Variants in AP3B2 observed in about 807,000 individuals in gnomAD.
AP3B2 encodes the protein AP-3 complex subunit beta-2.
AP3B2 carries 50 observed loss-of-function variants against 126.9 expected under a neutral mutation model. The observed-to-expected ratio is 0.39, with a 90% CI of 0.31 to 0.50. The LOEUF (loss-of-function observed/expected upper bound fraction) is 0.50, where lower values mean the gene tolerates loss of function less well. AP3B2 is among the 20% of genes least tolerant of loss of function. The pLI, the probability that AP3B2 is intolerant of heterozygous loss-of-function variation, is 0.79. For synonymous variants in AP3B2, 541 were observed against 565.0 expected, an observed-to-expected ratio of 0.96 and a Z score of 0.60; for missense variants, 1,177 against 1,426.4, an observed-to-expected ratio of 0.83 and a Z score of 2.82.
chr15:82,677,521 T>A, intron 12 of AP3B2, 138 bp from the exon 13 acceptor site: 1 of 1,369,020 alleles, frequency 7.3e-7, no homozygotes, highest in East Asian at 2.5e-5. Flanking sequence ...CTCAGAGGTG[T>A]AGGAACACTT....
At chr15:82,705,735 G>A (rs150141221) in intron 1 of AP3B2, among the ~76,000 whole-genome samples, 8,900 of 152,160 alleles carry the variant, frequency 0.058, 388 homozygotes, top group African/African-American at 0.11. Flanking sequence ...GATCATGTCC[G>A]GCTAATCTCC....
intron 4 of AP3B2, among the ~76,000 whole-genome samples, chr15:82,683,877 G>GA (rs1417544598): frequency 1.3e-5 from 2 of 152,222 alleles, no homozygotes; most frequent in Non-Finnish European, 2.9e-5. Context: ...CTCCATCAGA[G>GA]CTCTTGAGTG....
intron 1 of AP3B2, among the ~76,000 whole-genome samples, chr15:82,701,356 T>C (rs2048717024): frequency 6.6e-6 from 1 of 152,170 alleles, no homozygotes; most frequent in African/African-American, 2.4e-5. Flanking sequence ...AAACTTGCTC[T>C]AGGCTCTCCC....
At chr15:82,688,499 C>T in intron 4 of AP3B2, 1 of 702,564 alleles carries the variant, frequency 1.4e-6, no homozygotes, top group Non-Finnish European at 2.6e-6. Context: ...CCACAGGCTC[C>T]TGGGAAGAGA....
chr15:82,698,877 C>T (rs1021051255), intron 1 of AP3B2, among the ~76,000 whole-genome samples: 1 of 152,134 alleles, frequency 6.6e-6, no homozygotes, highest in Non-Finnish European at 1.5e-5. Flanking sequence ...GGGGGCAGGA[C>T]CACTGGGCCT....
rs2048310969 is a variant in AP3B2 at position 82,680,177 on chromosome 15, G to A, written c.1108C>T (p.Arg370Trp). 6.2e-7 allele frequency: 1 copy of A among 1,613,340 alleles called. No homozygotes were observed. Among genetic ancestry groups the A allele is most frequent in the Non-Finnish European group, 8.5e-7 (1 of 1,179,802 alleles). ...QNVATMSIKRRGMFEPYLKSF... is the reference protein window; with the variant it reads ...QNVATMSIKRWGMFEPYLKSF... ...ACAGCCCGCCGTCGCAGGCTCACCC[G>A]GCGCTTGATGGACATGGTGGCCACG... The change falls in exon 9 of 27, where the codon CGG becomes TGG. Residue 370 changes from arginine to tryptophan, a missense_variant and splice_region_variant. By Grantham distance (101) the Arg-to-Trp change is moderately radical (BLOSUM62 -3). This residue lies in a region of AP3B2 where 308 missense variants were observed against 452.4 expected (regional missense o/e 0.68). Transcript: ENST00000535359. The surrounding 1 kb of genome is among the most constrained non-coding windows in gnomAD (Gnocchi z 6.1).
At position 82,663,561 on chromosome 15, in the gene AP3B2, A is replaced by G. The variant is rs759819300; in HGVS notation, c.2496T>C (p.Asp832=). 1.1e-5 allele frequency: 17 copies of G among 1,613,606 alleles called. No homozygotes were observed. The highest frequency in any genetic ancestry group is 4.4e-5 in the South Asian group (4 of 91,036). ...TKEISLLDLE[D]FTPPSVQPVS... is the part of the protein sequence containing the mutation. ...GTGACTTTTACCACCCAAACTCACAATCCTCTAGATCAAGCAGGGAGATCT... is the reference window on the plus strand; with the variant it reads ...GTGACTTTTACCACCCAAACTCACAGTCCTCTAGATCAAGCAGGGAGATCT... The change falls in exon 21 of 27, where the codon GAT becomes GAC. Residue 832 remains aspartate, a splice_region_variant and synonymous_variant. Coordinates refer to ENST00000535359, the MANE Select transcript of AP3B2 (RefSeq NM_001278512.2).
Position 82,680,217 on chromosome 15 carries a change from G to A in AP3B2, c.1068C>T (p.Tyr356=), listed in dbSNP as rs778376414. ...RLLRSHSEVQ[Y]VVLQNVATMS... is the part of the protein sequence containing the mutation. ...TGGTGGCCACGTTCTGGAGCACAAC[G>A]TACTGCACCTCACTGCGGAGAGGAC... Residue 356 remains tyrosine, a synonymous_variant, in exon 9 of 27, where the codon TAC becomes TAT. Transcript: ENST00000535359. The surrounding 1 kb of genome is among the most constrained non-coding windows in gnomAD (Gnocchi z 6.1). 3.7e-6 allele frequency: 6 copies of A among 1,613,500 alleles called. No homozygotes were observed. The highest frequency in any genetic ancestry group is 5.1e-6 in the Non-Finnish European group (6 of 1,179,802).
intron 1 of AP3B2, among the ~76,000 whole-genome samples, chr15:82,701,514 AG>A (rs1269477882): frequency 4.6e-5 from 7 of 152,212 alleles, no homozygotes; most frequent in African/African-American, 1.7e-4. Context: ...ATTTCTTGAA[AG>A]CAAAATTTCC....
Position 82,665,907 on chromosome 15 carries a change from A to C in AP3B2, c.1853-332T>G, listed in dbSNP as rs749779302. Among the ~76,000 whole-genome samples, 1 of 152,126 alleles carries C rather than the reference A, an allele frequency of 6.6e-6. No homozygotes were observed. The highest frequency in any genetic ancestry group is 1.5e-5 in the Non-Finnish European group (1 of 68,038). ...TAGTCAGGCTCTGGACTCAGCAGGG[A>C]GGGATGAACAGTCAGAGCATGAGTG... On this transcript the variant is annotated intron_variant, in intron 15 of 26. Coordinates refer to ENST00000535359, the MANE Select transcript of AP3B2 (RefSeq NM_001278512.2). The surrounding 1 kb of genome is among the most constrained non-coding windows in gnomAD (Gnocchi z 4.4).
rs146496892 is a variant in AP3B2 at position 82,706,245 on chromosome 15, C to G, written c.113+3349G>C. On this transcript the variant is annotated intron_variant, in intron 1 of 26. Coordinates refer to ENST00000535359, the MANE Select transcript of AP3B2 (RefSeq NM_001278512.2). ...ACCTGACGCATATACTTTCTGCCCC[C>G]CTCCACTACCTCTCAGAAAGCTTAA... is the stretch of plus-strand genomic sequence containing the variant. Among the ~76,000 whole-genome samples the G allele has an allele frequency of 8.0e-4, 122 of 152,302 alleles. 1 individual carries two copies. In the East Asian group the frequency reaches 0.018, roughly 23 times the overall value.
At chr15:82,695,917 G>T (rs998623383) in intron 1 of AP3B2, among the ~76,000 whole-genome samples, 9 of 152,198 alleles carry the variant, frequency 5.9e-5, no homozygotes, top group African/African-American at 2.2e-4. Context: ...CTGGAGAACA[G>T]GTTGTTGGTG....
rs553277516 is a variant in AP3B2 at position 82,701,367 on chromosome 15, G to A, written c.113+8227C>T. On this transcript the variant is annotated intron_variant, in intron 1 of 26. Coordinates refer to ENST00000535359, the MANE Select transcript of AP3B2 (RefSeq NM_001278512.2). Reference sequence around the variant, plus strand: ...AGTTAAACTTGCTCTAGGCTCTCCCGCCTAATATTAATAATAAACAAAAAT... The same window carrying A: ...AGTTAAACTTGCTCTAGGCTCTCCCACCTAATATTAATAATAAACAAAAAT... Among the ~76,000 whole-genome samples the A allele has an allele frequency of 1.7e-3, 255 of 151,720 alleles. 1 individual carries two copies. The highest frequency in any genetic ancestry group is 3.0e-3 in the Non-Finnish European group (204 of 67,964).
chr15:82,692,136 C>G, intron 1 of AP3B2: 1 of 1,496,206 alleles, frequency 6.7e-7, no homozygotes, highest in Non-Finnish European at 9.2e-7. Context: ...GAACTCCACA[C>G]GAAGCCGACA....
At chr15:82,671,553 A>G (rs1400954874) in intron 14 of AP3B2, among the ~76,000 whole-genome samples, 7 of 151,952 alleles carry the variant, frequency 4.6e-5, no homozygotes, top group South Asian at 2.1e-4. Context: ...CCTGGCCAAC[A>G]TGGTGAAACC....
chr15:82,664,377 C>G lies in AP3B2; in HGVS notation c.2251G>C (p.Gly751Arg). 6.2e-7 allele frequency: 1 copy of G among 1,613,946 alleles called. No individual in the cohort carries two copies. Among genetic ancestry groups the G allele is most frequent in the Non-Finnish European group, 8.5e-7 (1 of 1,179,876 alleles). The stretch of plus-strand genomic sequence containing the variant: ...TAGCTCCCTTCTCACCTCTCACTGC[C>G]TCTCCCTTTCTCCTCATCCTCATCC... Reference protein sequence around the residue: ...DQDEDEEKGRGSESEQSEEDG... With the variant: ...DQDEDEEKGRRSESEQSEEDG... Residue 751 changes from glycine (G) to arginine (R), a missense_variant, in exon 19 of 27, where the codon GGC (glycine) becomes CGC (arginine). Gly to Arg is a moderately radical substitution (Grantham distance 125). Around this residue, in one of 5 missense-constraint regions of AP3B2, gnomAD observed 587 missense variants for 571.3 expected, o/e 1.03. Coordinates refer to ENST00000535359, the MANE Select transcript of AP3B2 (RefSeq NM_001278512.2). The surrounding 1 kb of genome is among the most constrained non-coding windows in gnomAD (Gnocchi z 4.5).
rs752012505 is a variant in AP3B2 at position 82,663,149 on chromosome 15, G to A, written c.2582C>T (p.Thr861Ile). ...CACCGACGGTACCAGGGTGGAGTCT[G>A]TGAGTGTCAGGCCCTCCAGGTCAGC... is the stretch of plus-strand genomic sequence containing the variant. ...LAADLEGLTL[T>I]DSTLVPSLLS... is the part of the protein sequence containing the mutation. The change falls in exon 22 of 27, where the codon ACA (threonine) becomes ATA (isoleucine). Residue 861 changes from threonine to isoleucine, a missense_variant. By Grantham distance (89) the Thr-to-Ile change is moderately conservative. This residue lies in a region of AP3B2 where 587 missense variants were observed against 571.3 expected (regional missense o/e 1.03). Transcript: ENST00000535359. 4.3e-6 allele frequency: 7 copies of A among 1,611,908 alleles called. 1 individual carries two copies. The South Asian group carries it at 7.7e-5, about 18-fold the overall frequency.
At chr15:82,699,705 T>G (rs748110793) in intron 1 of AP3B2, 17 of 399,636 alleles carry the variant, frequency 4.3e-5, no homozygotes, top group African/African-American at 6.2e-5. Context: ...GGGTCGTGTC[T>G]TCCTCCTGGG....
At chr15:82,683,651 GTAAACCTTTCCAGAAGGTTTCTA>G (rs148615941) in intron 4 of AP3B2, among the ~76,000 whole-genome samples, 1,819 of 152,130 alleles carry the variant, frequency 0.012, 43 homozygotes, top group African/African-American at 0.041. Context: ...ATCTATAATG[GTAAACCTTTCCAGAAGGTTTCTA>G]TAAACCTTTC....
Sources: allele counts gnomAD v4.1 joint callset (sites outside exome capture counted in the v4.1 genomes callset), GRCh38; gene constraint gnomAD v4.1.1; regional missense constraint gnomAD v4.1.1; non-coding constraint Gnocchi (gnomAD v3.1); transcripts MANE v1.5; gene names NCBI Gene and HGNC (gene_info 2026-07-23, HGNC 2026-07-21).